Variants in EYS observed in about 807,000 individuals in gnomAD.
EYS encodes protein eyes shut homolog.
EYS carries 250 observed loss-of-function variants against 282.1 expected under a neutral mutation model. The ratio of observed to expected loss-of-function variants is 0.89; its 90% confidence interval spans 0.80 to 0.98. The LOEUF is 0.98. EYS is among the 50% of genes least tolerant of loss of function. The pLI is 0.00. For missense variants in EYS, 4,016 were observed against 3,709.0 expected (o/e 1.08, Z -2.15); for synonymous variants, 1,355 against 1,282.9 (o/e 1.06, Z -1.20).
At chr6:64,021,736 C>T (rs1461070259) in intron 33 of EYS, among the ~76,000 whole-genome samples, 3 of 152,056 alleles carry the variant, frequency 2.0e-5, no homozygotes, top group Non-Finnish European at 4.4e-5. Context: ...GTCCAAGTCT[C>T]CCTCCCACCC....
intron 5 of EYS, among the ~76,000 whole-genome samples, chr6:65,418,282 G>A (rs747423450): frequency 1.8e-4 from 28 of 151,992 alleles, no homozygotes; most frequent in Non-Finnish European, 2.2e-4. Context: ...GTAATACAGA[G>A]AAGACCTGTC....
chr6:64,862,277 C>A (rs1583234005), intron 19 of EYS, among the ~76,000 whole-genome samples: 1 of 152,240 alleles, frequency 6.6e-6, no homozygotes, highest in East Asian at 1.9e-4. Context: ...TGTTCAGCTG[C>A]AATTCTCTGA....
At chr6:64,484,073 G>A (rs1776513877) in intron 26 of EYS, among the ~76,000 whole-genome samples, 1 of 151,622 alleles carries the variant, frequency 6.6e-6, no homozygotes, top group Non-Finnish European at 1.5e-5. Context: ...CTTTTTAAAT[G>A]TGTCTTTAGA....
At chr6:64,029,799 A>G (rs1295414209) in intron 33 of EYS, among the ~76,000 whole-genome samples, 1 of 152,212 alleles carries the variant, frequency 6.6e-6, no homozygotes, top group Non-Finnish European at 1.5e-5. Context: ...AGTGGCACTT[A>G]CCCGAGCCTT....
chr6:63,881,189 C>T (rs1036326071), intron 35 of EYS, among the ~76,000 whole-genome samples: 2 of 152,140 alleles, frequency 1.3e-5, no homozygotes, highest in African/African-American at 4.8e-5. Context: ...TCGTTTTAAG[C>T]TTCTTTTCCA....
chr6:64,002,616 G>A (rs1768149513), intron 33 of EYS, among the ~76,000 whole-genome samples: 1 of 152,160 alleles, frequency 6.6e-6, no homozygotes, highest in South Asian at 2.1e-4. Context: ...TGAGCTGCAG[G>A]GTGACCAAAC....
intron 31 of EYS, among the ~76,000 whole-genome samples, chr6:64,124,959 T>C (rs1422399940): frequency 2.6e-5 from 4 of 152,216 alleles, no homozygotes; most frequent in African/African-American, 7.2e-5. Context: ...CACTGAAGGA[T>C]GAGATAGTCC....
Position 65,317,419 on chromosome 6 carries a change from A to G in EYS, c.1766+17561T>C, listed in dbSNP as rs189176456. Among the ~76,000 whole-genome samples, 110 of 152,316 alleles carry G rather than the reference A, an allele frequency of 7.2e-4. 1 individual carries two copies. Among genetic ancestry groups the G allele is most frequent in the African/African-American group, 2.5e-3 (105 of 41,568 alleles). On this transcript the variant is annotated intron_variant, in intron 11 of 42. Transcript: ENST00000503581. The stretch of plus-strand genomic sequence containing the variant: ...TTAAATGTGTAAACAATTCTTGTAA[A>G]TACTGTTTTTCATTTGTAGTTTTGG...
At chr6:65,618,800 T>A (rs1766333295) in intron 2 of EYS, among the ~76,000 whole-genome samples, 1 of 152,186 alleles carries the variant, frequency 6.6e-6, no homozygotes. Context: ...CACCATTTAT[T>A]AAATAGGGAA....
chr6:64,476,205 G>T (rs1447891424), intron 26 of EYS, among the ~76,000 whole-genome samples: 1 of 152,116 alleles, frequency 6.6e-6, no homozygotes, highest in Non-Finnish European at 1.5e-5. Context: ...TGCCATCTGT[G>T]CATGCTGCCC....
intron 30 of EYS, among the ~76,000 whole-genome samples, chr6:64,278,512 G>A (rs1311159013): frequency 2.0e-5 from 3 of 151,876 alleles, no homozygotes. Flanking sequence ...ACTTCTTTGG[G>A]TCCAATCCAA....
At chr6:64,882,641 A>C (rs1766959358) in intron 19 of EYS, among the ~76,000 whole-genome samples, 2 of 151,786 alleles carry the variant, frequency 1.3e-5, no homozygotes, top group Non-Finnish European at 1.5e-5. Context: ...CAAACAAAAA[A>C]TAAACACTAA....
At chr6:65,205,671 T>A (rs1327282430) in intron 12 of EYS, among the ~76,000 whole-genome samples, 3 of 151,774 alleles carry the variant, frequency 2.0e-5, no homozygotes, top group Non-Finnish European at 4.4e-5. Flanking sequence ...ATTCAAAAAA[T>A]CAAAATCACA....
At chr6:63,736,654 T>C (rs1410099175) in intron 41 of EYS, among the ~76,000 whole-genome samples, 1 of 152,200 alleles carries the variant, frequency 6.6e-6, no homozygotes, top group Non-Finnish European at 1.5e-5. Flanking sequence ...GGGGATGGCA[T>C]TGAATCTATA....
At position 63,778,023 on chromosome 6, in the gene EYS, C is replaced by G. The variant is rs1770108741; in HGVS notation, c.7881G>C (p.Glu2627Asp). The stretch of plus-strand genomic sequence containing the variant: ...ATACTTACTAAACACTAGTTCCACT[C>G]TCTATGCATGTCCCACCATTGCCAC... ...MKCGNGGTCI[E>D]SGTSVYCNCT... The change falls in exon 40 of 43, where the codon GAG (glutamate) becomes GAC (aspartate). Residue 2627 changes from glutamate (E) to aspartate (D), a missense_variant. Coordinates refer to ENST00000503581, the MANE Select transcript of EYS (RefSeq NM_001142800.2). 3.2e-6 allele frequency: 5 copies of G among 1,551,664 alleles called. No individual in the cohort carries two copies. The highest frequency in any genetic ancestry group is 4.4e-6 in the Non-Finnish European group (5 of 1,146,926).
intron 8 of EYS, among the ~76,000 whole-genome samples, chr6:65,380,999 T>C (rs1348352116): frequency 1.3e-5 from 2 of 152,088 alleles, no homozygotes; most frequent in Non-Finnish European, 2.9e-5. Context: ...GAAATAGGAA[T>C]GCATTTACAC....
At chr6:64,208,998 T>C (rs1392656168) in intron 31 of EYS, among the ~76,000 whole-genome samples, 2 of 152,144 alleles carry the variant, frequency 1.3e-5, no homozygotes, top group East Asian at 1.9e-4. Flanking sequence ...TTTTCTACTA[T>C]GTTATTTCTT....
intron 33 of EYS, among the ~76,000 whole-genome samples, chr6:64,062,078 A>T (rs1220734436): frequency 6.6e-6 from 1 of 152,192 alleles, no homozygotes; most frequent in Non-Finnish European, 1.5e-5. Flanking sequence ...CCTAACTCAC[A>T]TGCTTTTTAG....
chr6:64,684,176 G>A (rs1391608647), intron 22 of EYS, among the ~76,000 whole-genome samples: 1 of 152,066 alleles, frequency 6.6e-6, no homozygotes, highest in Non-Finnish European at 1.5e-5. Context: ...CTGTATGAAT[G>A]GTATCTGACT....
Sources: allele counts gnomAD v4.1 joint callset (sites outside exome capture counted in the v4.1 genomes callset), GRCh38; gene constraint gnomAD v4.1.1; transcripts MANE v1.5; gene names NCBI Gene and HGNC (gene_info 2026-07-23, HGNC 2026-07-21).